GALNT2: variants seen among roughly 807,000 people sequenced by gnomAD.
GALNT2 encodes the protein polypeptide N-acetylgalactosaminyltransferase 2, also known as UDP-GalNAc:polypeptide N-acetylgalactosaminyltransferase 2.
Under a neutral mutation model 81.4 loss-of-function variants are expected in GALNT2, and 31 were observed. The observed-to-expected ratio is 0.38, with a 90% CI of 0.29 to 0.51. The LOEUF (loss-of-function observed/expected upper bound fraction) is 0.51, where lower values mean the gene tolerates loss of function less well. Ranked by LOEUF, GALNT2 falls within the 20% of genes least tolerant of loss-of-function variation. The pLI is 0.87. For missense variants in GALNT2, 629 were observed against 765.7 expected (o/e 0.82, Z 2.11); for synonymous variants, 303 against 287.4 (o/e 1.05, Z -0.55).
chr1:230,100,251 C>T (rs1039510811), intron 1 of GALNT2, among the ~76,000 whole-genome samples: 2 of 151,458 alleles, frequency 1.3e-5, no homozygotes, highest in African/African-American at 2.4e-5. Flanking sequence ...CTCAGTTCTG[C>T]ACCAGCTCTT....
rs967717580 is a variant in GALNT2, at chr1:230,275,917, C to T, written c.1560+1353C>T. ...TAAACACCACATATATACATAGACA[C>T]CACAGATACATACATATATACATGC... On this transcript the variant is annotated intron_variant, in intron 15 of 15. Coordinates refer to ENST00000366672, the MANE Select transcript of GALNT2 (RefSeq NM_004481.5). The surrounding 1 kb of genome is among the most constrained non-coding windows in gnomAD (Gnocchi z 5.5). Among the ~76,000 whole-genome samples, 5 of 149,692 alleles carry T rather than the reference C, an allele frequency of 3.3e-5. No homozygotes were observed. The highest frequency in any genetic ancestry group is 2.7e-4 in the Admixed American group (4 of 14,942).
At chr1:230,106,378 T>C (rs1272588379) in intron 1 of GALNT2, among the ~76,000 whole-genome samples, 1 of 152,282 alleles carries the variant, frequency 6.6e-6, no homozygotes, top group African/African-American at 2.4e-5. Flanking sequence ...TGGCCTGGAA[T>C]GAATACCTAA....
chr1:230,163,111 G>A (rs1662486755), intron 1 of GALNT2, among the ~76,000 whole-genome samples: 1 of 152,094 alleles, frequency 6.6e-6, no homozygotes, highest in Admixed American at 6.5e-5. Flanking sequence ...GTGAATCTTT[G>A]GCTTACAGAA....
chr1:230,065,594 A>C (rs1659154151), upstream of GALNT2, among the ~76,000 whole-genome samples: 1 of 152,180 alleles, frequency 6.6e-6, no homozygotes, highest in Non-Finnish European at 1.5e-5. Context: ...TTCTTTTTGC[A>C]GAATCTTTAA....
At chr1:230,225,901 C>G (rs561275988) in intron 3 of GALNT2, among the ~76,000 whole-genome samples, 1 of 152,252 alleles carries the variant, frequency 6.6e-6, no homozygotes, top group East Asian at 1.9e-4. Flanking sequence ...CAGGTATCAC[C>G]CAGACCTACT....
chr1:230,130,630 C>T (rs1304978778), intron 1 of GALNT2, among the ~76,000 whole-genome samples: 1 of 152,198 alleles, frequency 6.6e-6, no homozygotes, highest in Non-Finnish European at 1.5e-5. Context: ...AGGATGCTCC[C>T]ATGCAGGAGC....
chr1:230,111,719 A>G (rs1373388733), intron 1 of GALNT2, among the ~76,000 whole-genome samples: 2 of 152,232 alleles, frequency 1.3e-5, no homozygotes, highest in Non-Finnish European at 2.9e-5. Flanking sequence ...AAAGCTTCTT[A>G]AAATGAACAC....
chr1:230,104,926 A>G (rs897758930), intron 1 of GALNT2, among the ~76,000 whole-genome samples: 2 of 152,256 alleles, frequency 1.3e-5, no homozygotes, highest in African/African-American at 2.4e-5. Flanking sequence ...TTGCAACTGC[A>G]TACTCGGAAA....
rs963446945 is a variant in GALNT2, at chr1:230,221,343, C to T, written c.375-14671C>T. ...ATGCTAACGTTGGGATGAATATTTT[C>T]GAATAACCTCCTTGCTTACTCATTT... is the stretch of plus-strand genomic sequence containing the variant. On this transcript the variant is annotated intron_variant, in intron 3 of 15. Coordinates refer to ENST00000366672, the MANE Select transcript of GALNT2 (RefSeq NM_004481.5). Among the ~76,000 whole-genome samples the T allele has an allele frequency of 3.9e-5, 6 of 152,094 alleles. No homozygotes were observed. In the South Asian group the frequency reaches 6.2e-4, roughly 16 times the overall value.
rs538187820 is a variant in GALNT2 at position 230,279,974 on chromosome 1, G to T, written c.*516G>T. 2.2e-6 allele frequency: 1 copy of T among 456,146 alleles called. No homozygotes were observed. Among genetic ancestry groups the T allele is most frequent in the Middle Eastern group, 3.3e-4 (1 of 3,070 alleles). 28.3% of individuals were successfully genotyped at this position (456,146 alleles called of 1,614,324 possible). A position where few individuals can be genotyped will look rare whatever the true frequency, so the allele number is the denominator to read the frequency against. On this transcript the variant is annotated 3_prime_UTR_variant, in exon 16 of 16. Coordinates refer to ENST00000366672, the MANE Select transcript of GALNT2 (RefSeq NM_004481.5). The surrounding 1 kb of genome is among the most constrained non-coding windows in gnomAD (Gnocchi z 4.6). The stretch of plus-strand genomic sequence containing the variant: ...AGTCCCTCTCTCTGCTCCTCCATTC[G>T]CAAGTGTCTTCCTGGGCCAGACTCC...
Position 230,176,239 on chromosome 1 carries a change from G to A in GALNT2, c.127-1979G>A, listed in dbSNP as rs1237983410. Among the ~76,000 whole-genome samples, 6 of 152,112 alleles carry A rather than the reference G, an allele frequency of 3.9e-5. No individual in the cohort carries two copies. In the South Asian group the frequency reaches 6.2e-4, roughly 16 times the overall value. ...GAAGGAAGAAGGGAGGGTGAGGAGT[G>A]TTACCTGTGGGCAAATCAATCTTAT... On this transcript the variant is annotated intron_variant, in intron 1 of 15. Coordinates refer to ENST00000366672, the MANE Select transcript of GALNT2 (RefSeq NM_004481.5).
rs183766520 is a variant in GALNT2 at position 230,102,217 on chromosome 1, C to T, written c.126+34811C>T. Reference sequence around the variant, plus strand: ...CAAAGTCAGAAAAGGGGAGCTTAGACGAAGCCCCAGGAGGGCAGGTATGTC... The same window carrying T: ...CAAAGTCAGAAAAGGGGAGCTTAGATGAAGCCCCAGGAGGGCAGGTATGTC... On this transcript the variant is annotated intron_variant, in intron 1 of 15. Transcript: ENST00000366672. Among the ~76,000 whole-genome samples, 1,316 of 152,292 alleles carry T rather than the reference C, an allele frequency of 8.6e-3. 9 individuals are homozygous for T. Among genetic ancestry groups the T allele is most frequent in the Non-Finnish European group, 0.013 (891 of 68,022 alleles).
intron 1 of GALNT2, among the ~76,000 whole-genome samples, chr1:230,135,418 C>T (rs534085672): frequency 6.6e-6 from 1 of 152,232 alleles, no homozygotes; most frequent in South Asian, 2.1e-4. Context: ...ATCTCATTTC[C>T]GTTGTGCTAA....
In GALNT2 at chr1:230,201,712, C is replaced by T. The variant is rs1420336412; in HGVS notation, c.221-1425C>T. Among the ~76,000 whole-genome samples the T allele has an allele frequency of 2.0e-5, 3 of 152,356 alleles. No homozygotes were observed. In the South Asian group the frequency reaches 6.2e-4, roughly 32 times the overall value. On this transcript the variant is annotated intron_variant, in intron 2 of 15. Transcript: ENST00000366672. ...TCCAACCTTGGCTCTGACGGCCAGG[C>T]TCTTGCTTGCTCCTTAGTCACACTG...
chr1:230,192,423 C>A (rs1268297351), intron 2 of GALNT2, among the ~76,000 whole-genome samples: 2 of 152,170 alleles, frequency 1.3e-5, no homozygotes, highest in African/African-American at 2.4e-5. Flanking sequence ...GTCTTTCTCT[C>A]CTTCTGTCTT....
intron 1 of GALNT2, among the ~76,000 whole-genome samples, chr1:230,068,767 GC>G (rs1659285201): frequency 6.6e-6 from 1 of 152,176 alleles, no homozygotes; most frequent in Non-Finnish European, 1.5e-5. Flanking sequence ...CAGAAATAAA[GC>G]CCTCTTTCCA....
chr1:230,132,274 G>C (rs1661393911), intron 1 of GALNT2, among the ~76,000 whole-genome samples: 1 of 152,216 alleles, frequency 6.6e-6, no homozygotes, highest in Non-Finnish European at 1.5e-5. Flanking sequence ...CCCCGAAATA[G>C]ATAGGGGTAG....
chr1:230,134,844 C>T (rs571523679), intron 1 of GALNT2, among the ~76,000 whole-genome samples: 3 of 152,170 alleles, frequency 2.0e-5, no homozygotes, highest in Non-Finnish European at 2.9e-5. Flanking sequence ...ACCCAGTGCT[C>T]AGAAAATCCA....
intron 1 of GALNT2, among the ~76,000 whole-genome samples, chr1:230,176,305 T>G (rs975372450): frequency 6.6e-6 from 1 of 152,234 alleles, no homozygotes; most frequent in African/African-American, 2.4e-5. Flanking sequence ...GGGAAAACAC[T>G]GATGGTTGAC....
Sources: allele counts gnomAD v4.1 joint callset (sites outside exome capture counted in the v4.1 genomes callset), GRCh38; gene constraint gnomAD v4.1.1; non-coding constraint Gnocchi (gnomAD v3.1); transcripts MANE v1.5; gene names NCBI Gene and HGNC (gene_info 2026-07-23, HGNC 2026-07-21).